CTNNA2: variants seen among roughly 807,000 people sequenced by gnomAD.
CTNNA2 encodes the protein catenin alpha-2.
Under a neutral mutation model 101.0 loss-of-function variants are expected in CTNNA2, and 42 were observed. That is an observed-to-expected ratio of 0.42 (90% CI 0.32 to 0.54). The LOEUF is 0.54. Among genes scored for constraint, CTNNA2 ranks in the 20% least tolerant of loss-of-function variants. The pLI is 0.14. For synonymous variants in CTNNA2, 450 were observed against 456.4 expected, an observed-to-expected ratio of 0.99 and a Z score of 0.18; for missense variants, 871 against 1,223.1, an observed-to-expected ratio of 0.71 and a Z score of 4.29.
chr2:79,579,421 C>T (rs928852140), intron 1 of CTNNA2, among the ~76,000 whole-genome samples: 2 of 152,130 alleles, frequency 1.3e-5, no homozygotes, highest in Admixed American at 6.5e-5. Context: ...AAGGGGCTTA[C>T]AGGTAGAATT....
chr2:80,026,504 C>T (rs10186267), intron 7 of CTNNA2, among the ~76,000 whole-genome samples: 7,641 of 152,108 alleles, frequency 0.05, 536 homozygotes, highest in African/African-American at 0.15. Context: ...TGGAGAGAGT[C>T]TTGGTGAACA....
At chr2:80,367,276 C>T (rs554022553) in intron 7 of CTNNA2, among the ~76,000 whole-genome samples, 66 of 152,166 alleles carry the variant, frequency 4.3e-4, no homozygotes, top group African/African-American at 1.5e-3. Flanking sequence ...GTATACAATG[C>T]GGTGTTGTGG....
chr2:79,993,528 C>T (rs1390107161), intron 7 of CTNNA2, among the ~76,000 whole-genome samples: 3 of 152,132 alleles, frequency 2.0e-5, no homozygotes, highest in African/African-American at 7.2e-5. Context: ...AGTGGAGTAA[C>T]AACAAAGGTA....
intron 2 of CTNNA2, among the ~76,000 whole-genome samples, chr2:79,252,597 GT>G (rs887249912): frequency 5.3e-5 from 8 of 151,858 alleles, no homozygotes; most frequent in East Asian, 1.9e-4. Context: ...TCATTTGTAA[GT>G]TTTTTTAATC....
At chr2:79,302,975 CA>C (rs1395409593) in intron 2 of CTNNA2, among the ~76,000 whole-genome samples, 1 of 152,180 alleles carries the variant, frequency 6.6e-6, no homozygotes, top group Non-Finnish European at 1.5e-5. Context: ...AACTTGACCA[CA>C]AAAACATAAT....
chr2:80,190,944 T>G (rs753048460), intron 7 of CTNNA2, among the ~76,000 whole-genome samples: 1 of 152,212 alleles, frequency 6.6e-6, no homozygotes, highest in Non-Finnish European at 1.5e-5. Flanking sequence ...ACGAGACAGC[T>G]GATTTCCATG....
chr2:79,947,616 C>T (rs911714987), intron 7 of CTNNA2, among the ~76,000 whole-genome samples: 2 of 152,108 alleles, frequency 1.3e-5, no homozygotes, highest in Admixed American at 6.5e-5. Flanking sequence ...TAAGTTACTA[C>T]AATAAGCACT....
chr2:79,362,938 G>A (rs1677663825), intron 3 of CTNNA2, among the ~76,000 whole-genome samples: 1 of 152,190 alleles, frequency 6.6e-6, no homozygotes, highest in Non-Finnish European at 1.5e-5. Context: ...ACAGATAGGA[G>A]ACAAAGGCAA....
At chr2:80,464,319 C>T (rs538506473) in intron 9 of CTNNA2, among the ~76,000 whole-genome samples, 1 of 152,222 alleles carries the variant, frequency 6.6e-6, no homozygotes, top group South Asian at 2.1e-4. Flanking sequence ...CATCATGGTA[C>T]CAGGTTTTCT....
intron 7 of CTNNA2, among the ~76,000 whole-genome samples, chr2:80,294,334 G>A (rs1675535577): frequency 6.6e-6 from 1 of 152,140 alleles, no homozygotes; most frequent in Admixed American, 6.5e-5. Flanking sequence ...CTAATTCTAA[G>A]TACACCGATG....
At chr2:80,009,441 A>G (rs753043063) in intron 7 of CTNNA2, among the ~76,000 whole-genome samples, 8 of 152,192 alleles carry the variant, frequency 5.3e-5, no homozygotes, top group African/African-American at 9.6e-5. Context: ...TTTGATGTTC[A>G]TTCTGCTAAA....
At chr2:80,290,733 A>G (rs1268382787) in intron 7 of CTNNA2, among the ~76,000 whole-genome samples, 2 of 152,244 alleles carry the variant, frequency 1.3e-5, no homozygotes, top group South Asian at 2.1e-4. Flanking sequence ...ATAAGAAACA[A>G]TGTTTGCTCC....
At chr2:79,969,204 C>A (rs542865173) in intron 7 of CTNNA2, among the ~76,000 whole-genome samples, 102 of 152,160 alleles carry the variant, frequency 6.7e-4, no homozygotes, top group African/African-American at 1.5e-3. Flanking sequence ...ACAACAACAA[C>A]AAAAAAATTT....
chr2:80,484,542 T>C (rs960573626), intron 9 of CTNNA2, among the ~76,000 whole-genome samples: 2 of 152,148 alleles, frequency 1.3e-5, no homozygotes, highest in South Asian at 4.1e-4. Flanking sequence ...TCCTAGTCTA[T>C]AGCACATGAA....
At chr2:79,338,572 C>CTCTTCTTCTTCT (rs1206814071) in intron 3 of CTNNA2, among the ~76,000 whole-genome samples, 79 of 127,238 alleles carry the variant, frequency 6.2e-4, no homozygotes, top group African/African-American at 9.4e-4. Context: ...CTTCTTCCTC[C>CTCTTCTTCTTCT]TCATCATCTT....
rs187225088 is a variant in CTNNA2, at chr2:79,513,492, C to G, written c.-6+285C>G. Among the ~76,000 whole-genome samples, 82 of 152,276 alleles carry G rather than the reference C, an allele frequency of 5.4e-4. 2 individuals are homozygous for G. The highest frequency in any genetic ancestry group is 1.9e-3 in the Admixed American group (29 of 15,306). On this transcript the variant is annotated intron_variant, in intron 1 of 18. Transcript: ENST00000402739. ...TGCATCCCTTTCCTCTTGTCTCCAT[C>G]TCTTCTTCCCCCCTTTCTTACCTCT...
At chr2:80,230,260 G>GTTTTTTT (rs375509574) in intron 7 of CTNNA2, among the ~76,000 whole-genome samples, 2 of 121,628 alleles carry the variant, frequency 1.6e-5, no homozygotes, top group African/African-American at 3.3e-5. Context: ...TTTTTTCTTT[G>GTTTTTTT]TTTTTTTTTT....
intron 4 of CTNNA2, among the ~76,000 whole-genome samples, chr2:79,452,020 T>C (rs1364896363): frequency 2.0e-5 from 3 of 152,056 alleles, no homozygotes; most frequent in Non-Finnish European, 2.9e-5. Flanking sequence ...TTTTGAAAAC[T>C]CTCTTAGCTT....
At chr2:79,629,374 G>A (rs1365284367) in intron 1 of CTNNA2, among the ~76,000 whole-genome samples, 1 of 152,184 alleles carries the variant, frequency 6.6e-6, no homozygotes, top group Non-Finnish European at 1.5e-5. Flanking sequence ...CAGGCTTTTT[G>A]ATCTTGGCCA....
Sources: gnomAD v4.1 joint callset for allele counts (sites outside exome capture counted in the v4.1 genomes callset) on GRCh38, gnomAD v4.1.1 for gene constraint, MANE v1.5 for transcripts, NCBI Gene and HGNC (gene_info 2026-07-23, HGNC 2026-07-21) for gene names.